Variants in NXPE1 observed in about 807,000 individuals in gnomAD.
NXPE1 encodes the protein NXPE family member 1.
A neutral mutation model predicts 33.3 loss-of-function variants in NXPE1; 31 were observed. That is an observed-to-expected ratio of 0.93 (90% CI 0.70 to 1.26). The LOEUF is 1.26. NXPE1 is among the 50% of genes most tolerant of loss of function. NXPE1 has a pLI of 0.00. For missense variants in NXPE1, 661 were observed against 655.6 expected (o/e 1.01, Z -0.09); for synonymous variants, 229 against 231.4 (o/e 0.99, Z 0.09).
At chr11:114,535,754 C>A (rs1947794654) in intron 5 of NXPE1, among the ~76,000 whole-genome samples, 1 of 152,098 alleles carries the variant, frequency 6.6e-6, no homozygotes, top group Admixed American at 6.5e-5. Flanking sequence ...TATATGCACC[C>A]AATACAGGAG....
chr11:114,522,483 G>A (rs1237091181), exon 9 of NXPE1: 1 of 1,600,672 alleles, frequency 6.2e-7, no homozygotes, highest in African/African-American at 1.3e-5. Flanking sequence ...CCAGTTTCAT[G>A]AAGATCAAAA....
Position 114,530,828 on chromosome 11 carries a change from CAG to C in NXPE1, c.178_179del (p.Leu60AspfsTer10), listed in dbSNP as rs1190762444. The C allele has an allele frequency of 6.2e-7, 1 of 1,614,104 alleles. No individual in the cohort carries two copies. The highest frequency in any genetic ancestry group is 8.5e-7 in the Non-Finnish European group (1 of 1,180,022). The stretch of plus-strand genomic sequence containing the variant: ...TCTCTGTTAGTGGCTTTAATGGTAT[CAG>C]TGATGTTTTAGGGAATAAGGACTTT... On this transcript the variant is annotated frameshift_variant, in exon 6 of 9. Coordinates refer to ENST00000534921, the Ensembl canonical transcript of NXPE1. LOFTEE classifies it high-confidence loss of function.
At chr11:114,531,756 T>TCC (rs144884585) in intron 5 of NXPE1, among the ~76,000 whole-genome samples, 2,785 of 152,270 alleles carry the variant, frequency 0.018, 89 homozygotes, top group African/African-American at 0.064. Context: ...TTGCTGAATA[T>TCC]CCCCTGAATT....
chr11:114,544,794 G>C (rs1948217774), intron 5 of NXPE1, among the ~76,000 whole-genome samples: 1 of 152,118 alleles, frequency 6.6e-6, no homozygotes, highest in Non-Finnish European at 1.5e-5. Flanking sequence ...AAGCCATAGA[G>C]TGTGAGAATA....
exon 6 of NXPE1, chr11:114,530,489 C>A: frequency 6.2e-7 from 1 of 1,613,968 alleles, no homozygotes; most frequent in Non-Finnish European, 8.5e-7. Flanking sequence ...AGACCTGGCC[C>A]TCCCAGAACA....
At chr11:114,537,816 T>A (rs1350065134) in intron 5 of NXPE1, among the ~76,000 whole-genome samples, 2 of 151,912 alleles carry the variant, frequency 1.3e-5, no homozygotes, top group Admixed American at 1.3e-4. Flanking sequence ...TCCATGCTCA[T>A]GGGTAGGAAG....
chr11:114,547,203 CAAG>C (rs1228840849), intron 5 of NXPE1, among the ~76,000 whole-genome samples: 1 of 152,098 alleles, frequency 6.6e-6, no homozygotes, highest in East Asian at 1.9e-4. Flanking sequence ...GCCAGGTGAT[CAAG>C]ATTAACATCA....
chr11:114,545,940 C>T (rs1023996318), intron 5 of NXPE1, among the ~76,000 whole-genome samples: 11 of 152,038 alleles, frequency 7.2e-5, no homozygotes, highest in East Asian at 3.9e-4. Flanking sequence ...CCACCCACCT[C>T]GGCCTCCCAA....
chr11:114,537,246 A>G (rs1318713208), intron 5 of NXPE1, among the ~76,000 whole-genome samples: 2 of 152,170 alleles, frequency 1.3e-5, no homozygotes, highest in Non-Finnish European at 2.9e-5. Flanking sequence ...CATGCTAAAA[A>G]CTCTCAATAA....
At chr11:114,545,496 A>C (rs1450541336) in intron 5 of NXPE1, among the ~76,000 whole-genome samples, 2 of 152,334 alleles carry the variant, frequency 1.3e-5, no homozygotes, top group South Asian at 4.1e-4. Context: ...CTGCATTACT[A>C]TGACATTCTG....
chr11:114,540,756 A>G (rs1948062568), intron 5 of NXPE1, among the ~76,000 whole-genome samples: 1 of 147,536 alleles, frequency 6.8e-6, no homozygotes, highest in Non-Finnish European at 1.5e-5. Flanking sequence ...TGCCATTAAG[A>G]GGAGGTAAGT....
intron 5 of NXPE1, among the ~76,000 whole-genome samples, chr11:114,550,872 G>A (rs75851825): frequency 3.9e-5 from 6 of 152,286 alleles, no homozygotes; most frequent in East Asian, 1.9e-4. Context: ...TTTTGGGAGC[G>A]TGTGCAAGGT....
chr11:114,530,779 T>C (rs750009228), exon 6 of NXPE1: 1 of 1,614,256 alleles, frequency 6.2e-7, no homozygotes, highest in Non-Finnish European at 8.5e-7. Context: ...AGTTTCTCTA[T>C]GATTTCCTTT....
chr11:114,531,288 ACT>A (rs1314088855), intron 5 of NXPE1, among the ~76,000 whole-genome samples: 1 of 152,034 alleles, frequency 6.6e-6, no homozygotes, highest in Non-Finnish European at 1.5e-5. Flanking sequence ...TGATAAGTTT[ACT>A]CTTTCTTTTC....
rs116608915 is a variant in NXPE1, at chr11:114,547,156, A to C, written c.99+3947T>G. Among the ~76,000 whole-genome samples the C allele has an allele frequency of 2.1e-3, 315 of 152,266 alleles. 3 individuals carry two copies. The highest frequency in any genetic ancestry group is 6.6e-3 in the African/African-American group (275 of 41,554). ...AGCAGGGTGGGGCAGAAGGAAGAGTAATCTTACTGTGGAGAAACCTGATGA... is the reference window on the plus strand; with the variant it reads ...AGCAGGGTGGGGCAGAAGGAAGAGTCATCTTACTGTGGAGAAACCTGATGA... On this transcript the variant is annotated intron_variant, in intron 5 of 8. Coordinates refer to ENST00000534921, the Ensembl canonical transcript of NXPE1.
chr11:114,536,224 T>G (rs113912154), intron 5 of NXPE1, among the ~76,000 whole-genome samples: 1 of 151,988 alleles, frequency 6.6e-6, no homozygotes, highest in South Asian at 2.1e-4. Flanking sequence ...AAGATGTTCT[T>G]TGAAACCAAT....
intron 5 of NXPE1, among the ~76,000 whole-genome samples, chr11:114,537,327 C>T (rs1271236657): frequency 2.0e-5 from 3 of 152,144 alleles, no homozygotes; most frequent in Admixed American, 1.3e-4. Flanking sequence ...CAATATCATA[C>T]TGAATGGACA....
chr11:114,537,857 C>A (rs1472083755), intron 5 of NXPE1, among the ~76,000 whole-genome samples: 2 of 151,746 alleles, frequency 1.3e-5, no homozygotes, highest in Non-Finnish European at 2.9e-5. Flanking sequence ...CCATACTGCC[C>A]AAGGTAATTT....
intron 1 of NXPE1, among the ~76,000 whole-genome samples, 163 bp from the exon 2 acceptor site, chr11:114,553,043 C>T (rs1948551108): frequency 6.6e-6 from 1 of 152,168 alleles, no homozygotes; most frequent in African/African-American, 2.4e-5. Flanking sequence ...CTTATTACCT[C>T]CTCCCTCACT....
Sources: gnomAD v4.1 joint callset for allele counts (sites outside exome capture counted in the v4.1 genomes callset) on GRCh38, gnomAD v4.1.1 for gene constraint, MANE v1.5 for transcripts, NCBI Gene and HGNC (gene_info 2026-07-23, HGNC 2026-07-21) for gene names.